The following BMP5 variants were observed in gnomAD, a reference collection of about 807,000 sequenced individuals.
The protein encoded by BMP5 is bone morphogenetic protein 5.
In BMP5, 23 loss-of-function variants were observed where a neutral mutation model predicts 46.6. The observed-to-expected ratio is 0.49, with a 90% CI of 0.35 to 0.70. The LOEUF (loss-of-function observed/expected upper bound fraction) is 0.70. Among genes scored for constraint, BMP5 ranks in the 30% least tolerant of loss-of-function variants. The pLI is 0.00. For synonymous variants in BMP5, 204 were observed against 191.9 expected, an observed-to-expected ratio of 1.06 and a Z score of -0.52; for missense variants, 545 against 565.6, an observed-to-expected ratio of 0.96 and a Z score of 0.37.
At chr6:55,758,914 T>C in intron 6 of BMP5, 91 bp downstream of exon 6, 1 of 922,050 alleles carries the variant, frequency 1.1e-6, no homozygotes, top group Non-Finnish European at 1.8e-6. Flanking sequence ...AAATAATGCA[T>C]TAAAATTGTA....
At chr6:55,837,353 A>AGATAGATAGAT (rs1554184986) in intron 1 of BMP5, among the ~76,000 whole-genome samples, 1 of 149,048 alleles carries the variant, frequency 6.7e-6, no homozygotes, top group East Asian at 1.9e-4. Context: ...ATAGATAGAT[A>AGATAGATAGAT]GATAGATAGA....
intron 1 of BMP5, among the ~76,000 whole-genome samples, chr6:55,854,932 T>C (rs1334408406): frequency 6.6e-6 from 1 of 152,150 alleles, no homozygotes; most frequent in Non-Finnish European, 1.5e-5. Context: ...GTTATGCTAA[T>C]TTATTAAAAA....
At chr6:55,756,972 G>A (rs1173536296) in intron 6 of BMP5, among the ~76,000 whole-genome samples, 1 of 151,756 alleles carries the variant, frequency 6.6e-6, no homozygotes, top group Non-Finnish European at 1.5e-5. Flanking sequence ...CAAACATAAA[G>A]CGTGCACAAC....
chr6:55,851,304 C>T (rs954536957), intron 1 of BMP5, among the ~76,000 whole-genome samples: 1 of 152,102 alleles, frequency 6.6e-6, no homozygotes, highest in Non-Finnish European at 1.5e-5. Flanking sequence ...CTTACTTGTA[C>T]ACAACTTCCC....
At chr6:55,848,914 C>T (rs1275051155) in intron 1 of BMP5, among the ~76,000 whole-genome samples, 1 of 152,030 alleles carries the variant, frequency 6.6e-6, no homozygotes, top group Non-Finnish European at 1.5e-5. Context: ...TAGGCTGTCA[C>T]TGGTTGAACA....
chr6:55,807,004 G>A (rs1032601624), intron 2 of BMP5, among the ~76,000 whole-genome samples: 1 of 152,142 alleles, frequency 6.6e-6, no homozygotes, highest in Non-Finnish European at 1.5e-5. Flanking sequence ...GTAGAATCAT[G>A]CCATCTGCAA....
At chr6:55,857,211 C>A (rs1433172069) in intron 1 of BMP5, among the ~76,000 whole-genome samples, 4 of 152,114 alleles carry the variant, frequency 2.6e-5, no homozygotes, top group African/African-American at 9.7e-5. Flanking sequence ...ATTATTTTTG[C>A]AGCTAACACA....
intron 4 of BMP5, among the ~76,000 whole-genome samples, chr6:55,769,082 C>T (rs992128807): frequency 6.6e-6 from 1 of 151,846 alleles, no homozygotes; most frequent in Non-Finnish European, 1.5e-5. Flanking sequence ...ATGTTGATAC[C>T]TGCTGACTGA....
intron 2 of BMP5, among the ~76,000 whole-genome samples, chr6:55,813,233 C>T (rs1582085921): frequency 6.6e-6 from 1 of 152,008 alleles, no homozygotes; most frequent in Non-Finnish European, 1.5e-5. Context: ...CATTTCATTA[C>T]CTTTTTTCTC....
At chr6:55,802,507 C>T (rs918891283) in intron 2 of BMP5, among the ~76,000 whole-genome samples, 3 of 151,584 alleles carry the variant, frequency 2.0e-5, no homozygotes, top group Admixed American at 1.3e-4. Flanking sequence ...CGCTAATGGC[C>T]CAGACACTTC....
Position 55,760,515 on chromosome 6 carries a change from T to G in BMP5, c.1046A>C (p.Gln349Pro). 6.2e-7 allele frequency: 1 copy of G among 1,613,172 alleles called. No individual in the cohort carries two copies. Among genetic ancestry groups the G allele is most frequent in the Non-Finnish European group, 8.5e-7 (1 of 1,179,316 alleles). ...TTCGTGCTTCTTACAGGCTTGTTTT[T>G]GCTCACTTGTGTTATAATCTGAAGA... ...SSVGDYNTSE[Q>P]KQACKKHELY... Residue 349 changes from glutamine to proline, a missense_variant, in exon 5 of 7, where the codon CAA becomes CCA. By Grantham distance (76) the Gln-to-Pro change is moderately conservative. Coordinates refer to ENST00000370830, the MANE Select transcript of BMP5 (RefSeq NM_021073.4).
In BMP5 at chr6:55,778,487, C is replaced by T. The variant is rs574800141; in HGVS notation, c.833-4244G>A. Among the ~76,000 whole-genome samples the T allele has an allele frequency of 2.8e-4, 43 of 152,084 alleles. No homozygotes were observed. In the South Asian group the frequency reaches 7.0e-3, roughly 25 times the overall value. ...GAAATGAAAGTGGTAATGACTATAA[C>T]TGTAGGCATCCAGAGTTTGTTATTG... is the stretch of plus-strand genomic sequence containing the variant. On this transcript the variant is annotated intron_variant, in intron 3 of 6. Transcript: ENST00000370830.
At chr6:55,806,301 C>T (rs1775986699) in intron 2 of BMP5, among the ~76,000 whole-genome samples, 2 of 152,190 alleles carry the variant, frequency 1.3e-5, no homozygotes, top group Admixed American at 1.3e-4. Context: ...AGCCAGTTTT[C>T]TCAACACCAT....
chr6:55,754,297 G>A lies in BMP5; in HGVS notation c.*1236C>T, dbSNP rs576987366. The A allele has an allele frequency of 2.1e-4, 28 of 134,678 alleles. 1 individual carries two copies. In the South Asian group the frequency reaches 6.9e-3, roughly 33 times the overall value. The allele number at this position is 134,678 out of a possible 1,614,324, so 8.3% of individuals were successfully genotyped here. On this transcript the variant is annotated 3_prime_UTR_variant, in exon 7 of 7. Coordinates refer to ENST00000370830, the MANE Select transcript of BMP5 (RefSeq NM_021073.4). Reference sequence around the variant, plus strand: ...AGATAGAGAAAATAAATTAATTTTAGAGGGAAGAACACACATGCACACACA... The same window carrying A: ...AGATAGAGAAAATAAATTAATTTTAAAGGGAAGAACACACATGCACACACA...
At chr6:55,777,341 T>C (rs1399073057) in intron 3 of BMP5, among the ~76,000 whole-genome samples, 2 of 151,990 alleles carry the variant, frequency 1.3e-5, no homozygotes, top group African/African-American at 4.8e-5. Flanking sequence ...TACAGTATGT[T>C]TTAGATATTG....
At chr6:55,829,856 G>A (rs1311974258) in intron 1 of BMP5, among the ~76,000 whole-genome samples, 1 of 151,794 alleles carries the variant, frequency 6.6e-6, no homozygotes, top group Admixed American at 6.6e-5. Context: ...TTTTTCTTAT[G>A]CATATAAAAA....
chr6:55,854,474 A>T (rs901232724), intron 1 of BMP5, among the ~76,000 whole-genome samples: 6 of 151,936 alleles, frequency 3.9e-5, no homozygotes, highest in Non-Finnish European at 8.8e-5. Flanking sequence ...ATTGGCATTC[A>T]TACACATATA....
intron 3 of BMP5, among the ~76,000 whole-genome samples, chr6:55,780,127 T>A (rs1312284890): frequency 6.6e-6 from 1 of 151,886 alleles, no homozygotes; most frequent in Admixed American, 6.6e-5. Context: ...TTGATAATTA[T>A]ATATTATTGG....
chr6:55,791,958 C>T (rs1244121952), intron 3 of BMP5, among the ~76,000 whole-genome samples: 1 of 152,106 alleles, frequency 6.6e-6, no homozygotes, highest in East Asian at 1.9e-4. Context: ...ACATTTCTGA[C>T]GATAAATGTA....
Sources: gnomAD v4.1 joint callset for allele counts (sites outside exome capture counted in the v4.1 genomes callset) on GRCh38, gnomAD v4.1.1 for gene constraint, MANE v1.5 for transcripts, NCBI Gene and HGNC (gene_info 2026-07-23, HGNC 2026-07-21) for gene names.